Variants in ADGRB3 observed in about 807,000 individuals in gnomAD.
ADGRB3 encodes the protein adhesion G protein-coupled receptor B3.
ADGRB3 carries 37 observed loss-of-function variants against 193.4 expected under a neutral mutation model. The observed-to-expected ratio is 0.19, with a 90% confidence interval of 0.15 to 0.25. ADGRB3 has a LOEUF of 0.25. Among genes scored for constraint, ADGRB3 ranks in the 10% least tolerant of loss-of-function variants. The pLI, the probability that ADGRB3 is intolerant of heterozygous loss-of-function variation, is 1.00. For missense variants in ADGRB3, 1,637 were observed against 1,852.9 expected (o/e 0.88, Z 2.14); for synonymous variants, 690 against 644.2 (o/e 1.07, Z -1.08).
chr6:69,377,797 G>A (rs1769862772), intron 30 of ADGRB3, among the ~76,000 whole-genome samples: 1 of 152,072 alleles, frequency 6.6e-6, no homozygotes, highest in Admixed American at 6.6e-5. Flanking sequence ...ATGAATTAAA[G>A]TGAAAATCTG....
chr6:68,948,311 T>G (rs1466847270), intron 6 of ADGRB3, among the ~76,000 whole-genome samples: 1 of 152,140 alleles, frequency 6.6e-6, no homozygotes, highest in African/African-American at 2.4e-5. Context: ...AAGCTGCTAA[T>G]TAGGTCTAGC....
rs546620024 is a variant in ADGRB3, at chr6:68,986,193, A to G, written c.1735-7575A>G. ...ATATGCACAGTTTATACCTGACTCA[A>G]TTTTCTCCATGGCTCAGTTTATTCC... On this transcript the variant is annotated intron_variant, in intron 10 of 31. Coordinates refer to ENST00000370598, the MANE Select transcript of ADGRB3 (RefSeq NM_001704.3). 3.3e-5 allele frequency among the ~76,000 whole-genome samples: 5 copies of G among 152,200 alleles called. No homozygotes were observed. The East Asian group carries it at 7.7e-4, about 24-fold the overall frequency.
intron 30 of ADGRB3, among the ~76,000 whole-genome samples, chr6:69,380,581 A>T (rs556745053): frequency 1.3e-5 from 2 of 152,086 alleles, no homozygotes; most frequent in East Asian, 3.9e-4. Flanking sequence ...AATGGAAAAG[A>T]GAGGATAGAC....
intron 17 of ADGRB3, among the ~76,000 whole-genome samples, chr6:69,214,214 C>T (rs1256162488): frequency 6.6e-6 from 1 of 152,106 alleles, no homozygotes; most frequent in Non-Finnish European, 1.5e-5. Context: ...AATTTGAAAA[C>T]TCGTTAGTTC....
chr6:68,756,337 A>G (rs1766298554), intron 3 of ADGRB3, among the ~76,000 whole-genome samples: 1 of 152,176 alleles, frequency 6.6e-6, no homozygotes. Context: ...TTAAGAACTA[A>G]AACAATTTAA....
At chr6:68,677,521 C>CTTTTTTT (rs1002070733) in intron 3 of ADGRB3, among the ~76,000 whole-genome samples, 42 of 120,296 alleles carry the variant, frequency 3.5e-4, no homozygotes, top group East Asian at 1.2e-3. Context: ...TTCTTTTTTT[C>CTTTTTTT]TTTTTTTTTT....
chr6:69,042,951 G>A (rs149498779), intron 13 of ADGRB3, among the ~76,000 whole-genome samples: 277 of 152,280 alleles, frequency 1.8e-3, no homozygotes, highest in Non-Finnish European at 3.3e-3. Flanking sequence ...GTGCCATTGC[G>A]TGAGTGTTTC....
At chr6:69,207,785 T>C (rs1426759751) in intron 17 of ADGRB3, among the ~76,000 whole-genome samples, 2 of 152,204 alleles carry the variant, frequency 1.3e-5, no homozygotes, top group African/African-American at 4.8e-5. Flanking sequence ...TGCCTCACTT[T>C]TTTAGCCATG....
intron 13 of ADGRB3, among the ~76,000 whole-genome samples, chr6:69,022,583 C>G (rs1770301305): frequency 6.6e-6 from 1 of 151,860 alleles, no homozygotes; most frequent in African/African-American, 2.4e-5. Flanking sequence ...TAAATCTACT[C>G]CCATTTTTCA....
At chr6:69,276,052 T>C (rs1767296970) in intron 20 of ADGRB3, among the ~76,000 whole-genome samples, 2 of 152,238 alleles carry the variant, frequency 1.3e-5, no homozygotes, top group African/African-American at 2.4e-5. Flanking sequence ...AACTTTTCAC[T>C]TCATTCAAAC....
At chr6:68,922,362 G>A (rs921609447) in intron 3 of ADGRB3, among the ~76,000 whole-genome samples, 3 of 152,200 alleles carry the variant, frequency 2.0e-5, no homozygotes, top group African/African-American at 7.2e-5. Flanking sequence ...TTTAAAATAA[G>A]TATTAGGCAA....
intron 15 of ADGRB3, among the ~76,000 whole-genome samples, chr6:69,059,944 C>T (rs936195428): frequency 1.3e-5 from 2 of 151,890 alleles, no homozygotes; most frequent in African/African-American, 2.4e-5. Flanking sequence ...AAGAATAATA[C>T]GAATGAGGAC....
intron 17 of ADGRB3, among the ~76,000 whole-genome samples, chr6:69,132,135 TATACCCAGCAATGGGATTGCTGGGTCAA>T: frequency 6.6e-6 from 1 of 152,314 alleles, no homozygotes; most frequent in Non-Finnish European, 1.5e-5. Context: ...CCTTTGGGTA[TATACCCAGCAATGGGATTGCTGGGTCAA>T]ATGGTATTTC....
chr6:69,066,807 A>G (rs547160152), intron 16 of ADGRB3, among the ~76,000 whole-genome samples: 1 of 152,096 alleles, frequency 6.6e-6, no homozygotes, highest in Non-Finnish European at 1.5e-5. Flanking sequence ...TATACTCATC[A>G]AATTTTTAGA....
intron 20 of ADGRB3, among the ~76,000 whole-genome samples, chr6:69,311,734 A>G (rs1768198695): frequency 6.6e-6 from 1 of 151,652 alleles, no homozygotes; most frequent in African/African-American, 2.4e-5. Flanking sequence ...CCTTCTTTTT[A>G]TTAAATTTCA....
At chr6:68,918,899 G>A (rs1027945448) in intron 3 of ADGRB3, among the ~76,000 whole-genome samples, 44 of 152,102 alleles carry the variant, frequency 2.9e-4, no homozygotes, top group South Asian at 2.7e-3. Context: ...TTACCGCAGC[G>A]TAGTATTTAT....
intron 17 of ADGRB3, among the ~76,000 whole-genome samples, chr6:69,116,423 C>G (rs1181588622): frequency 6.6e-6 from 1 of 152,114 alleles, no homozygotes; most frequent in Non-Finnish European, 1.5e-5. Context: ...CTAAATTAAA[C>G]TGGATTTAGG....
chr6:69,233,322 G>A lies in ADGRB3; in HGVS notation c.2513G>A (p.Gly838Glu), dbSNP rs754269130. The change falls in exon 18 of 32, where the codon GGA becomes GAA. Residue 838 changes from glycine (G) to glutamate (E), a missense_variant. Gly to Glu is a moderately conservative substitution (Grantham distance 98). Coordinates refer to ENST00000370598, the MANE Select transcript of ADGRB3 (RefSeq NM_001704.3). ...NESLGTWSTQGCKTVLTDASH... is the reference protein window; with the variant it reads ...NESLGTWSTQECKTVLTDASH... ...TCTTTGGGAACGTGGTCCACCCAGG[G>A]ATGTAAAACTGTGCTTACCGATGCA... 1.1e-5 allele frequency: 18 copies of A among 1,613,910 alleles called. No homozygotes were observed. The East Asian group carries it at 1.6e-4, about 14-fold the overall frequency.
intron 12 of ADGRB3, 80 bp from the exon 13 acceptor site, chr6:69,018,311 G>T: frequency 1.2e-6 from 1 of 801,284 alleles, no homozygotes; most frequent in East Asian, 2.6e-5. Context: ...GTGATTTCAT[G>T]TAGTTTAAAA....
Sources: allele counts gnomAD v4.1 joint callset (sites outside exome capture counted in the v4.1 genomes callset), GRCh38; gene constraint gnomAD v4.1.1; transcripts MANE v1.5; gene names NCBI Gene and HGNC (gene_info 2026-07-23, HGNC 2026-07-21).